CPB1: variants seen among roughly 807,000 people sequenced by gnomAD.
CPB1 encodes carboxypeptidase B1.
CPB1 carries 53 observed loss-of-function variants against 51.4 expected under a neutral mutation model. The observed-to-expected ratio is 1.03, with a 90% CI of 0.83 to 1.30. CPB1 has a LOEUF of 1.30. CPB1 is among the 50% of genes most tolerant of loss of function. CPB1 has a pLI of 0.00. For synonymous variants in CPB1, 189 were observed against 186.9 expected, an observed-to-expected ratio of 1.01 and a Z score of -0.09; for missense variants, 494 against 516.2, an observed-to-expected ratio of 0.96 and a Z score of 0.42.
intron 8 of CPB1, 116 bp from the exon 9 acceptor site, chr3:148,845,308 T>C: frequency 1.3e-6 from 1 of 760,000 alleles, no homozygotes; most frequent in East Asian, 2.5e-5. Context: ...GGGACAACTT[T>C]AAGGACTCCT....
chr3:148,847,372 TAAAAAAAAAAAAA>T (rs3043983), intron 9 of CPB1, among the ~76,000 whole-genome samples: 1 of 86,718 alleles, frequency 1.2e-5, no homozygotes, highest in Non-Finnish European at 2.1e-5. Context: ...AAATCATTCT[TAAAAAAAAAAAAA>T]AAAAAAAAAA....
Position 148,844,533 on chromosome 3 carries a change from AC to A in CPB1, c.633del (p.Tyr213MetfsTer89). The A allele has an allele frequency of 6.2e-7, 1 of 1,613,942 alleles. No individual in the cohort carries two copies. Among genetic ancestry groups the A allele is most frequent in the African/African-American group, 1.3e-5 (1 of 75,048 alleles). Reference protein sequence around the residue: ...IQVTELLDKLDFYVLPVLNID... With the variant: ...IQVTELLDKLXFYVLPVLNID... ...GTGACAGAGCTTCTCGACAAGTTAG[AC>A]TTTTATGTCCTGCCTGTGCTCAATA... On this transcript the variant is annotated frameshift_variant, in exon 7 of 11. Coordinates refer to ENST00000282957, the MANE Select transcript of CPB1 (RefSeq NM_001871.3). LOFTEE classifies it high-confidence loss of function.
chr3:148,843,090 C>T (rs1432079983), intron 6 of CPB1, among the ~76,000 whole-genome samples: 4 of 151,910 alleles, frequency 2.6e-5, no homozygotes, highest in African/African-American at 4.8e-5. Context: ...ACTACGGAGA[C>T]GTGACAAATA....
chr3:148,847,297 GACA>G (rs1408260059), intron 9 of CPB1, among the ~76,000 whole-genome samples: 1 of 142,784 alleles, frequency 7.0e-6, no homozygotes, highest in African/African-American at 2.6e-5. Context: ...TTAGTGATGA[GACA>G]GCTTTGTTGC....
At chr3:148,844,632 A>G (rs558918468) in intron 7 of CPB1, 44 bp downstream of exon 7, 54 of 1,611,372 alleles carry the variant, frequency 3.4e-5, no homozygotes, top group East Asian at 2.5e-4. Context: ...ATTAAAACCA[A>G]CGCCTCTCTA....
chr3:148,834,735 AC>A (rs1303914644), intron 3 of CPB1, 113 bp downstream of exon 3: 2 of 989,368 alleles, frequency 2.0e-6, no homozygotes, highest in African/African-American at 1.6e-5. Context: ...CTTCCCCAGG[AC>A]CCCACAAATA....
chr3:148,857,022 G>C (rs1440640790), intron 9 of CPB1: 1 of 150,950 alleles, frequency 6.6e-6, no homozygotes, highest in East Asian at 1.9e-4. Flanking sequence ...CAACCCTATT[G>C]TAACTTAATC....
At chr3:148,850,561 C>G (rs1041340942) in intron 9 of CPB1, among the ~76,000 whole-genome samples, 7 of 152,106 alleles carry the variant, frequency 4.6e-5, no homozygotes, top group African/African-American at 1.4e-4. Context: ...CTCAGCCTCC[C>G]GAAGTGCTGG....
chr3:148,836,475 C>T (rs1712904314), intron 3 of CPB1, among the ~76,000 whole-genome samples: 1 of 152,158 alleles, frequency 6.6e-6, no homozygotes, highest in Admixed American at 6.5e-5. Flanking sequence ...TAGATTAACC[C>T]TAGCTACCTG....
intron 2 of CPB1, among the ~76,000 whole-genome samples, chr3:148,830,247 C>T: frequency 6.6e-6 from 1 of 152,148 alleles, no homozygotes; most frequent in Non-Finnish European, 1.5e-5. Flanking sequence ...GCCAGTGAGC[C>T]CTTCGAGCTC....
intron 10 of CPB1, 102 bp from the exon 11 acceptor site, chr3:148,859,713 T>C: frequency 1.7e-6 from 2 of 1,205,824 alleles, no homozygotes; most frequent in Middle Eastern, 3.0e-4. Context: ...ACTCAAAATA[T>C]TTTGCACAGT....
chr3:148,840,309 A>G (rs1194149667), intron 3 of CPB1, among the ~76,000 whole-genome samples: 1 of 130,860 alleles, frequency 7.6e-6, no homozygotes, highest in African/African-American at 2.5e-5. Flanking sequence ...AGGAAGAAAG[A>G]CCAAAGATAG....
chr3:148,856,138 TAGTTTATC>T (rs1410609572), intron 9 of CPB1: 1 of 152,242 alleles, frequency 6.6e-6, no homozygotes, highest in Non-Finnish European at 1.5e-5. Flanking sequence ...AAGCATGTCT[TAGTTTATC>T]AGTTTAGAAA....
At chr3:148,846,727 A>C in intron 9 of CPB1, among the ~76,000 whole-genome samples, 1 of 135,742 alleles carries the variant, frequency 7.4e-6, no homozygotes, top group East Asian at 2.2e-4. Flanking sequence ...TTCCCCATCC[A>C]TGGCCAAAAA....
rs551972577 is a variant in CPB1, at chr3:148,848,407, C to T, written c.981+2781C>T. ...AAAACATTAGGAACATGATTTCTTG[C>T]ATCATACCACATTAAAATTTAAAGG... On this transcript the variant is annotated intron_variant, in intron 9 of 10. Transcript: ENST00000282957. Among the ~76,000 whole-genome samples, 4 of 152,166 alleles carry T rather than the reference C, an allele frequency of 2.6e-5. No homozygotes were observed. In the South Asian group the frequency reaches 6.2e-4, roughly 24 times the overall value.
intron 9 of CPB1, chr3:148,854,837 C>A (rs1713529612): frequency 6.6e-6 from 1 of 152,040 alleles, no homozygotes; most frequent in Admixed American, 6.6e-5. Flanking sequence ...GTGTGGGCCC[C>A]CAAAAAGGAG....
At chr3:148,850,074 A>G (rs1220269737) in intron 9 of CPB1, among the ~76,000 whole-genome samples, 1 of 152,250 alleles carries the variant, frequency 6.6e-6, no homozygotes, top group East Asian at 1.9e-4. Context: ...AAGATGACTA[A>G]CTTCTCATGG....
At chr3:148,835,103 C>T (rs1712862027) in intron 3 of CPB1, among the ~76,000 whole-genome samples, 1 of 152,084 alleles carries the variant, frequency 6.6e-6, no homozygotes. Flanking sequence ...CCACCACTAT[C>T]TCTAATGGTA....
chr3:148,851,351 A>AAAG (rs1344836333), intron 9 of CPB1: 29 of 150,318 alleles, frequency 1.9e-4, no homozygotes, highest in African/African-American at 6.6e-4. Context: ...AAAAAAAAAA[A>AAAG]AAAAAGAAAG....
Sources: allele counts gnomAD v4.1 joint callset (sites outside exome capture counted in the v4.1 genomes callset), GRCh38; gene constraint gnomAD v4.1.1; transcripts MANE v1.5; gene names NCBI Gene and HGNC (gene_info 2026-07-23, HGNC 2026-07-21).